QPCT: variants seen among roughly 807,000 people sequenced by gnomAD.
The protein encoded by QPCT is glutaminyl-peptide cyclotransferase.
In QPCT, 44 loss-of-function variants were observed where a neutral mutation model predicts 43.4. That is an observed-to-expected ratio of 1.01 (90% CI 0.80 to 1.30). The LOEUF (loss-of-function observed/expected upper bound fraction) is 1.30, where lower values mean the gene tolerates loss of function less well. QPCT is among the 50% of genes most tolerant of loss of function. The pLI, the probability that QPCT is intolerant of heterozygous loss-of-function variation, is 0.00. For synonymous variants in QPCT, 168 were observed against 168.4 expected (o/e 1.00, Z 0.02); for missense variants, 526 against 436.5 (o/e 1.21, Z -1.83).
At chr2:37,352,128 TA>T (rs1323325298) in intron 1 of QPCT, among the ~76,000 whole-genome samples, 1 of 152,114 alleles carries the variant, frequency 6.6e-6, no homozygotes, top group Admixed American at 6.6e-5. Context: ...ATTTTAATAA[TA>T]TACTTCATTT....
intron 5 of QPCT, among the ~76,000 whole-genome samples, chr2:37,370,246 C>CT (rs200611541): frequency 2.6e-5 from 4 of 151,956 alleles, no homozygotes; most frequent in Non-Finnish European, 5.9e-5. Context: ...ACTTTATTGG[C>CT]TTTTTTTCTT....
intron 3 of QPCT, among the ~76,000 whole-genome samples, chr2:37,360,580 A>G (rs780016864): frequency 1.3e-5 from 2 of 152,338 alleles, no homozygotes; most frequent in South Asian, 2.1e-4. Flanking sequence ...TCAGGCAACA[A>G]ATGCTTTGTT....
intron 1 of QPCT, among the ~76,000 whole-genome samples, chr2:37,346,276 A>G (rs1314669960): frequency 6.6e-6 from 1 of 152,252 alleles, no homozygotes; most frequent in Non-Finnish European, 1.5e-5. Flanking sequence ...TAACATAAGA[A>G]TAACTTTATT....
rs190022017 is a variant in QPCT at position 37,358,267 on chromosome 2, A to G, written c.268-1313A>G. On this transcript the variant is annotated intron_variant, in intron 2 of 6. Transcript: ENST00000338415. ...ATCTCTACAAAAAACCAAAAAAACA[A>G]AACAAAAAAACCCACAAAAGTTAGT... is the stretch of plus-strand genomic sequence containing the variant. Among the ~76,000 whole-genome samples, 684 of 152,112 alleles carry G rather than the reference A, an allele frequency of 4.5e-3. 7 individuals carry two copies. Among genetic ancestry groups the G allele is most frequent in the African/African-American group, 0.016 (657 of 41,490 alleles).
rs1429221289 is a variant in QPCT, at chr2:37,359,740, C to G, written c.428C>G (p.Ser143Cys). The change falls in exon 3 of 7, where the codon TCC becomes TGC. Residue 143 changes from serine (S) to cysteine (C), a missense_variant. Transcript: ENST00000338415. ...RHLVLACHYD[S>C]KYFSHWNNRV... The stretch of plus-strand genomic sequence containing the variant: ...TTGGTCCTCGCCTGCCACTATGACT[C>G]CAAGTATTTTTCCCACTGGAACAAC... 2.5e-6 allele frequency: 4 copies of G among 1,613,990 alleles called. No homozygotes were observed. Among genetic ancestry groups the G allele is most frequent in the African/African-American group, 1.3e-5 (1 of 74,908 alleles).
At chr2:37,359,987 A>C in intron 3 of QPCT, 129 bp downstream of exon 3, 2 of 1,005,668 alleles carry the variant, frequency 2.0e-6, no homozygotes, top group East Asian at 4.9e-5. Context: ...TTTTATTATG[A>C]ACATTAATTG....
chr2:37,360,867 C>T (rs1340341548), intron 3 of QPCT, among the ~76,000 whole-genome samples: 37 of 152,132 alleles, frequency 2.4e-4, no homozygotes, highest in Admixed American at 2.4e-3. Flanking sequence ...TGAAGGAGTT[C>T]AAAAGCTGAT....
chr2:37,365,431 A>G (rs769191581), intron 3 of QPCT, among the ~76,000 whole-genome samples: 2 of 152,232 alleles, frequency 1.3e-5, no homozygotes, highest in Non-Finnish European at 1.5e-5. Context: ...GTTTCAGTAC[A>G]CGGTGGAGAT....
At position 37,372,159 on chromosome 2, in the gene QPCT, T is replaced by C. The variant is rs187894708; in HGVS notation, c.824-197T>C. Among the ~76,000 whole-genome samples, 20 of 152,304 alleles carry C rather than the reference T, an allele frequency of 1.3e-4. No homozygotes were observed. In the East Asian group the frequency reaches 3.7e-3, roughly 28 times the overall value. ...TAGAGCCACATTTGACTCTTCTCTC[T>C]TCCTGCTCCAAAGTGTACACATCCC... On this transcript the variant is annotated intron_variant, in intron 5 of 6. Transcript: ENST00000338415.
intron 2 of QPCT, among the ~76,000 whole-genome samples, chr2:37,358,264 AC>A (rs1270807224): frequency 6.6e-6 from 1 of 152,076 alleles, no homozygotes; most frequent in Non-Finnish European, 1.5e-5. Flanking sequence ...AACCAAAAAA[AC>A]AAAACAAAAA....
intron 3 of QPCT, among the ~76,000 whole-genome samples, chr2:37,364,544 A>G (rs1558605795): frequency 6.6e-6 from 1 of 152,208 alleles, no homozygotes; most frequent in Non-Finnish European, 1.5e-5. Context: ...AAGCAAATGA[A>G]AGAGAGGCCT....
At chr2:37,361,426 G>C (rs1672856074) in intron 3 of QPCT, among the ~76,000 whole-genome samples, 1 of 152,214 alleles carries the variant, frequency 6.6e-6, no homozygotes, top group South Asian at 2.1e-4. Flanking sequence ...ACTGTAGCCA[G>C]TTGTACTTCC....
intron 3 of QPCT, among the ~76,000 whole-genome samples, chr2:37,362,366 T>C (rs1187685302): frequency 6.6e-6 from 1 of 152,168 alleles, no homozygotes; most frequent in Admixed American, 6.5e-5. Flanking sequence ...AACGAGAAAA[T>C]CTGTTTAATT....
chr2:37,359,760 A>C lies in QPCT; in HGVS notation c.448A>C (p.Asn150His). 1 of 1,614,152 alleles carries C rather than the reference A, an allele frequency of 6.2e-7. No individual in the cohort carries two copies. Among genetic ancestry groups the C allele is most frequent in the Non-Finnish European group, 8.5e-7 (1 of 1,179,998 alleles). Residue 150 changes from asparagine to histidine, a missense_variant, in exon 3 of 7, where the codon AAC (asparagine) becomes CAC (histidine). Coordinates refer to ENST00000338415, the MANE Select transcript of QPCT (RefSeq NM_012413.4). ...HYDSKYFSHW[N>H]NRVFVGATDS... Reference sequence around the variant, plus strand: ...TGACTCCAAGTATTTTTCCCACTGGAACAACAGAGTGTTTGTAGGAGCCAC... The same window carrying C: ...TGACTCCAAGTATTTTTCCCACTGGCACAACAGAGTGTTTGTAGGAGCCAC...
At chr2:37,358,923 A>G (rs1216241350) in intron 2 of QPCT, 1 of 152,374 alleles carries the variant, frequency 6.6e-6, no homozygotes, top group African/African-American at 2.4e-5. Context: ...TGTTCATTAC[A>G]TGTAAAGCAT....
chr2:37,366,064 G>C (rs1672953014), intron 3 of QPCT, among the ~76,000 whole-genome samples: 1 of 152,218 alleles, frequency 6.6e-6, no homozygotes, highest in Admixed American at 6.5e-5. Flanking sequence ...ATGCTAGTGA[G>C]TGATTGGCAT....
At position 37,367,297 on chromosome 2, in the gene QPCT, T is replaced by C; in HGVS notation, c.612T>C (p.Phe204=). The change falls in exon 4 of 7, where the codon TTT becomes TTC. Residue 204 remains phenylalanine (F), a synonymous_variant. Coordinates refer to ENST00000338415, the MANE Select transcript of QPCT (RefSeq NM_012413.4). Reference sequence around the variant, plus strand: ...TCTTCTTTGATGGTGAAGAGGCTTTTCTTCACTGGTCTCCTCAAGATTCTC... The same window carrying C: ...TCTTCTTTGATGGTGAAGAGGCTTTCCTTCACTGGTCTCCTCAAGATTCTC... The part of the protein sequence containing the change: ...QLIFFDGEEA[F]LHWSPQDSLY... 1 of 1,614,168 alleles carries C rather than the reference T, an allele frequency of 6.2e-7. No individual in the cohort carries two copies. Among genetic ancestry groups the C allele is most frequent in the South Asian group, 1.1e-5 (1 of 91,082 alleles).
At chr2:37,360,595 G>T (rs901505251) in intron 3 of QPCT, among the ~76,000 whole-genome samples, 1 of 152,112 alleles carries the variant, frequency 6.6e-6, no homozygotes, top group Non-Finnish European at 1.5e-5. Flanking sequence ...TTTGTTCCCC[G>T]CTCAGAGCTT....
chr2:37,358,026 G>T lies in QPCT; in HGVS notation c.268-1554G>T, dbSNP rs149972405. Reference sequence around the variant, plus strand: ...TTAGATGTTAATTGAAGGACAAATTGTCAGTTATTTTGATGTTAGTTTGTC... The same window carrying T: ...TTAGATGTTAATTGAAGGACAAATTTTCAGTTATTTTGATGTTAGTTTGTC... On this transcript the variant is annotated intron_variant, in intron 2 of 6. Transcript: ENST00000338415. Among the ~76,000 whole-genome samples the T allele has an allele frequency of 2.7e-4, 41 of 150,824 alleles. No individual in the cohort carries two copies. In the East Asian group the frequency reaches 7.8e-3, roughly 29 times the overall value.
Sources: gnomAD v4.1 joint callset for allele counts (sites outside exome capture counted in the v4.1 genomes callset) on GRCh38, gnomAD v4.1.1 for gene constraint, MANE v1.5 for transcripts, NCBI Gene and HGNC (gene_info 2026-07-23, HGNC 2026-07-21) for gene names.